SLC12A7: variants seen among roughly 807,000 people sequenced by gnomAD.
SLC12A7 encodes K-Cl cotransporter 4.
SLC12A7 carries 100 observed loss-of-function variants against 120.6 expected under a neutral mutation model. The observed-to-expected ratio is 0.83, with a 90% CI of 0.71 to 0.98. SLC12A7 has a LOEUF of 0.98. SLC12A7 is among the 50% of genes least tolerant of loss of function. SLC12A7 has a pLI of 0.00. For missense variants in SLC12A7, 1,373 were observed against 1,548.1 expected (o/e 0.89, Z 1.90); for synonymous variants, 760 against 678.0 (o/e 1.12, Z -1.88).
intron 8 of SLC12A7, among the ~76,000 whole-genome samples, chr5:1,082,401 C>T (rs1352627024): frequency 2.9e-5 from 4 of 139,620 alleles, no homozygotes; most frequent in Non-Finnish European, 6.1e-5. Flanking sequence ...CCAGGCTTCC[C>T]GTCTCGGGTT....
the SLC12A7 span, among the ~76,000 whole-genome samples, chr5:1,145,387 G>C: frequency 5.3e-5 from 8 of 152,234 alleles, no homozygotes; most frequent in African/African-American, 1.9e-4. The surrounding 1 kb of genome is among the most constrained non-coding windows in gnomAD (Gnocchi z 4.4). Flanking sequence ...CCCTGCAGAA[G>C]CCCCGAGTGC....
chr5:1,103,750 G>A (rs1742233898), intron 1 of SLC12A7, among the ~76,000 whole-genome samples: 4 of 152,238 alleles, frequency 2.6e-5, no homozygotes, highest in African/African-American at 9.6e-5. Flanking sequence ...GGGTGCCCAG[G>A]ACACAGGCAT....
At chr5:1,124,801 A>AGC in the SLC12A7 span, among the ~76,000 whole-genome samples, 1 of 152,226 alleles carries the variant, frequency 6.6e-6, no homozygotes, top group Non-Finnish European at 1.5e-5. Context: ...GTAATAAAAA[A>AGC]AGTGTTTAAT....
At chr5:1,080,911 C>T (rs1484296401) in intron 9 of SLC12A7, among the ~76,000 whole-genome samples, 5 of 152,160 alleles carry the variant, frequency 3.3e-5, no homozygotes, top group African/African-American at 7.2e-5. Context: ...TCCATCAGGA[C>T]GCAGGGCAGA....
the SLC12A7 span, among the ~76,000 whole-genome samples, chr5:1,139,254 C>T: frequency 7.9e-5 from 12 of 152,260 alleles, no homozygotes; most frequent in Admixed American, 3.9e-4. Context: ...GGGATCCTGG[C>T]GGGGGACCCT....
chr5:1,147,170 G>T, the SLC12A7 span, among the ~76,000 whole-genome samples: 28 of 151,392 alleles, frequency 1.8e-4, no homozygotes, highest in Admixed American at 1.2e-3. Flanking sequence ...TGGACAAGGG[G>T]ACCCAGGGCA....
At chr5:1,124,078 A>G in the SLC12A7 span, among the ~76,000 whole-genome samples, 1 of 152,166 alleles carries the variant, frequency 6.6e-6, no homozygotes. Flanking sequence ...ATAAGCTTTG[A>G]TTGCTTTTGA....
chr5:1,050,514 G>A lies in SLC12A7; in HGVS notation c.*1846C>T. ...GTTGACAACACAAAGGATGCCTGGT[G>A]CTTGCGTGCAGAGGCTGCAGCCCAG... On this transcript the variant is annotated 3_prime_UTR_variant, in exon 24 of 24. Transcript: ENST00000264930. 4.1e-6 allele frequency: 1 copy of A among 243,204 alleles called. No homozygotes were observed. Among genetic ancestry groups the A allele is most frequent in the Non-Finnish European group, 7.8e-6 (1 of 127,824 alleles). 15.1% of individuals were successfully genotyped at this position (243,204 alleles called of 1,614,324 possible). A position where few individuals can be genotyped will look rare whatever the true frequency, so the allele number is the denominator to read the frequency against.
At chr5:1,154,287 G>A in the SLC12A7 span, among the ~76,000 whole-genome samples, 532 of 150,880 alleles carry the variant, frequency 3.5e-3, 4 homozygotes, top group African/African-American at 0.013. Flanking sequence ...ATCCAACTGA[G>A]ACACAGACCA....
intron 18 of SLC12A7, 132 bp from the exon 19 acceptor site, chr5:1,064,384 C>T (rs947553603): frequency 2.1e-6 from 2 of 970,236 alleles, no homozygotes; most frequent in East Asian, 2.7e-5. Context: ...CCCACCCTCA[C>T]TCCGTCAGCT....
chr5:1,083,450 C>T (rs1739445678), intron 8 of SLC12A7, among the ~76,000 whole-genome samples: 1 of 152,242 alleles, frequency 6.6e-6, no homozygotes, highest in Non-Finnish European at 1.5e-5. Context: ...CTTCTTAACA[C>T]AGCAAGTTCC....
the SLC12A7 span, among the ~76,000 whole-genome samples, chr5:1,149,999 C>T: frequency 1.3e-5 from 2 of 152,162 alleles, no homozygotes; most frequent in Non-Finnish European, 2.9e-5. Flanking sequence ...CATTGCACTC[C>T]AGCCTGGGCA....
chr5:1,073,990 T>A (rs1738028550), intron 16 of SLC12A7, among the ~76,000 whole-genome samples, 189 bp from the exon 17 acceptor site: 1 of 151,530 alleles, frequency 6.6e-6, no homozygotes, highest in Non-Finnish European at 1.5e-5. Context: ...GTGGGGTAAG[T>A]TGAACAGGTG....
At chr5:1,130,513 C>T in the SLC12A7 span, among the ~76,000 whole-genome samples, 13,582 of 150,850 alleles carry the variant, frequency 0.09, 829 homozygotes, top group East Asian at 0.21. Flanking sequence ...CGGCTGCACA[C>T]GCGTGTCCCC....
intron 23 of SLC12A7, 48 bp downstream of exon 23, chr5:1,053,301 A>T (rs572547054): frequency 6.3e-7 from 1 of 1,591,828 alleles, no homozygotes; most frequent in Admixed American, 1.7e-5. Flanking sequence ...GCGAGAAGCC[A>T]CCAGGGGGTG....
intron 23 of SLC12A7, among the ~76,000 whole-genome samples, chr5:1,052,702 GAC>G (rs1376451779): frequency 1.3e-5 from 2 of 152,140 alleles, no homozygotes; most frequent in Non-Finnish European, 2.9e-5. Flanking sequence ...CAGAGACAGC[GAC>G]ACAGCCCACG....
At chr5:1,068,960 C>T (rs758888980) in intron 17 of SLC12A7, among the ~76,000 whole-genome samples, 18 of 152,266 alleles carry the variant, frequency 1.2e-4, no homozygotes, top group Admixed American at 2.0e-4. Flanking sequence ...GTTCCAACTC[C>T]GGGATTCCTC....
In SLC12A7 at chr5:1,050,662, C is replaced by T; in HGVS notation, c.*1698G>A. 1 of 391,262 alleles carries T rather than the reference C, an allele frequency of 2.6e-6. No individual in the cohort carries two copies. Among genetic ancestry groups the T allele is most frequent in the East Asian group, 3.6e-5 (1 of 27,648 alleles). 24.2% of individuals were successfully genotyped at this position (391,262 alleles called of 1,614,324 possible). ...GAGCCAGCACCATGTGGCCGCTGTG[C>T]CTCTAGCCTGCTCTCCTCCAGGTGC... On this transcript the variant is annotated 3_prime_UTR_variant, in exon 24 of 24. Transcript: ENST00000264930.
Position 1,093,611 on chromosome 5 carries a change from C to T in SLC12A7, c.264G>A (p.Lys88=), listed in dbSNP as rs763383626. 1.9e-6 allele frequency: 3 copies of T among 1,613,166 alleles called. No homozygotes were observed. Among genetic ancestry groups the T allele is most frequent in the Non-Finnish European group, 2.5e-6 (3 of 1,179,874 alleles). Reference sequence around the variant, plus strand: ...GGCTCAGGTTGGTGTAGTTGGCCAGCTTGTTGAGCAGCGAGGACACCATGG... The same window carrying T: ...GGCTCAGGTTGGTGTAGTTGGCCAGTTTGTTGAGCAGCGAGGACACCATGG... The part of the protein sequence containing the change: ...SNPMVSSLLN[K]LANYTNLSQG... The change falls in exon 3 of 24, where the codon AAG becomes AAA. Residue 88 remains lysine (K), a synonymous_variant. Transcript: ENST00000264930.
Sources: gnomAD v4.1 joint callset for allele counts (sites outside exome capture counted in the v4.1 genomes callset) on GRCh38, gnomAD v4.1.1 for gene constraint, Gnocchi (gnomAD v3.1) non-coding constraint, MANE v1.5 for transcripts, NCBI Gene and HGNC (gene_info 2026-07-23, HGNC 2026-07-21) for gene names.